Variants in FTO observed in about 807,000 individuals in gnomAD.
FTO encodes the protein FTO alpha-ketoglutarate dependent dioxygenase.
In FTO, 47 loss-of-function variants were observed where a neutral mutation model predicts 63.9. That is an observed-to-expected ratio of 0.74 (90% confidence interval 0.58 to 0.94). The LOEUF is 0.94. Among genes scored for constraint, FTO ranks in the 40% least tolerant of loss-of-function variants. FTO has a pLI of 0.00. For synonymous variants in FTO, 207 were observed against 224.4 expected (o/e 0.92, Z 0.69); for missense variants, 562 against 618.1 (o/e 0.91, Z 0.96).
intron 8 of FTO, among the ~76,000 whole-genome samples, chr16:54,004,428 G>T (rs552325194): frequency 7.0e-4 from 105 of 150,570 alleles, no homozygotes; most frequent in African/African-American, 2.0e-3. Context: ...AAATGTCGTG[G>T]TTTTTTTTTA....
At chr16:53,829,364 C>T (rs1275242813) in intron 3 of FTO, among the ~76,000 whole-genome samples, 3 of 152,200 alleles carry the variant, frequency 2.0e-5, no homozygotes, top group Admixed American at 6.5e-5. Context: ...TTATCTTATT[C>T]GATGAAACAG....
chr16:53,710,449 A>G (rs1280503678), intron 1 of FTO, among the ~76,000 whole-genome samples: 1 of 152,004 alleles, frequency 6.6e-6, no homozygotes, highest in Non-Finnish European at 1.5e-5. Flanking sequence ...TATTTTTAGT[A>G]GAGATGGGTT....
intron 1 of FTO, among the ~76,000 whole-genome samples, chr16:53,778,167 T>C (rs544584180): frequency 6.6e-6 from 1 of 152,142 alleles, no homozygotes; most frequent in African/African-American, 2.4e-5. Context: ...GTAAAGAACA[T>C]AGCAACTAGT....
At chr16:53,828,582 T>C (rs1016048487) in intron 3 of FTO, among the ~76,000 whole-genome samples, 21 of 152,336 alleles carry the variant, frequency 1.4e-4, no homozygotes, top group African/African-American at 5.1e-4. Context: ...TGCTCATTTA[T>C]TGAGCACCTA....
At chr16:54,076,062 G>T (rs2085986009) in intron 8 of FTO, among the ~76,000 whole-genome samples, 1 of 152,124 alleles carries the variant, frequency 6.6e-6, no homozygotes, top group Non-Finnish European at 1.5e-5. Flanking sequence ...AGACAAGCAG[G>T]ACTTAACATC....
intron 7 of FTO, among the ~76,000 whole-genome samples, chr16:53,893,655 A>G (rs574927208): frequency 6.6e-6 from 1 of 151,870 alleles, no homozygotes; most frequent in South Asian, 2.1e-4. Context: ...TTCATTTCCT[A>G]TTGACCTTAA....
At chr16:53,881,744 T>G (rs1395373242) in intron 6 of FTO, among the ~76,000 whole-genome samples, 1 of 152,252 alleles carries the variant, frequency 6.6e-6, no homozygotes, top group Non-Finnish European at 1.5e-5. Flanking sequence ...GTTTAGTTAC[T>G]TAATATTTTA....
rs575655224 is a variant in FTO, at chr16:53,818,721, G to T, written c.124-7143G>T. ...TCTTTTAATGAAACTGAGATCTCTT[G>T]TCTATCTTGTTACTAATTTCTTCTA... On this transcript the variant is annotated intron_variant, in intron 2 of 8. Transcript: ENST00000471389. 1.6e-4 allele frequency among the ~76,000 whole-genome samples: 23 copies of T among 146,130 alleles called. No individual in the cohort carries two copies. The East Asian group carries it at 3.0e-3, about 19-fold the overall frequency.
At chr16:53,800,959 C>T (rs1567305418) in intron 1 of FTO, among the ~76,000 whole-genome samples, 6 of 151,972 alleles carry the variant, frequency 3.9e-5, no homozygotes, top group Admixed American at 2.6e-4. Flanking sequence ...CTTGTCCATC[C>T]TTTTACTTTA....
intron 8 of FTO, among the ~76,000 whole-genome samples, chr16:54,044,254 T>C (rs2085135709): frequency 3.4e-5 from 2 of 59,260 alleles, no homozygotes; most frequent in African/African-American, 1.9e-4. Context: ...AATAAAAGGA[T>C]GGAGGAAGAT....
intron 8 of FTO, among the ~76,000 whole-genome samples, chr16:54,068,640 C>T (rs1206862946): frequency 6.6e-6 from 1 of 152,194 alleles, no homozygotes; most frequent in African/African-American, 2.4e-5. Flanking sequence ...CAGGCACTGC[C>T]AAGATCATGG....
At chr16:53,793,260 C>T (rs981057314) in intron 1 of FTO, among the ~76,000 whole-genome samples, 1 of 152,136 alleles carries the variant, frequency 6.6e-6, no homozygotes, top group Non-Finnish European at 1.5e-5. Context: ...CGCAATCACT[C>T]CCTAATCTTT....
intron 1 of FTO, among the ~76,000 whole-genome samples, chr16:53,704,755 A>G (rs1392723023): frequency 6.6e-6 from 1 of 152,222 alleles, no homozygotes; most frequent in Non-Finnish European, 1.5e-5. Flanking sequence ...TTGCCATTCC[A>G]TGGGATGACC....
rs1468013234 is a variant in FTO at position 54,033,031 on chromosome 16, C to A, written c.1365-78731C>A. Among the ~76,000 whole-genome samples, 6 of 152,158 alleles carry A rather than the reference C, an allele frequency of 3.9e-5. No homozygotes were observed. The East Asian group carries it at 1.2e-3, about 29-fold the overall frequency. ...CAAGCATATTCCAGTATCAAGCCTC[C>A]TGTCCAGCCTGCAGAACCATGAGTC... On this transcript the variant is annotated intron_variant, in intron 8 of 8. Coordinates refer to ENST00000471389, the MANE Select transcript of FTO (RefSeq NM_001080432.3).
intron 4 of FTO, among the ~76,000 whole-genome samples, chr16:53,861,876 A>G (rs1247634930): frequency 2.0e-5 from 3 of 152,128 alleles, no homozygotes; most frequent in African/African-American, 2.4e-5. Flanking sequence ...TTTGCATTAT[A>G]GAAGAGTGAC....
intron 8 of FTO, among the ~76,000 whole-genome samples, chr16:53,959,574 CTT>C (rs2083019338): frequency 1.3e-5 from 2 of 151,974 alleles, no homozygotes; most frequent in Admixed American, 6.6e-5. Flanking sequence ...GTACTGGACA[CTT>C]TTGTAACCAT....
intron 8 of FTO, among the ~76,000 whole-genome samples, chr16:54,077,214 A>G (rs1281023434): frequency 2.6e-5 from 4 of 152,192 alleles, no homozygotes; most frequent in Admixed American, 6.5e-5. Flanking sequence ...GAAAGCCCTC[A>G]CGTGGCCATG....
intron 8 of FTO, among the ~76,000 whole-genome samples, chr16:54,063,041 G>A (rs993535489): frequency 6.6e-6 from 1 of 152,220 alleles, no homozygotes; most frequent in African/African-American, 2.4e-5. Flanking sequence ...GAGGGTGTGT[G>A]TGGTGGTGCA....
chr16:53,873,656 A>G, intron 4 of FTO, 130 bp from the exon 5 acceptor site: 2 of 701,926 alleles, frequency 2.8e-6, no homozygotes, highest in East Asian at 3.0e-5. Context: ...CAAGGTAAGT[A>G]TTGATTCCTT....
Sources: allele counts gnomAD v4.1 joint callset (sites outside exome capture counted in the v4.1 genomes callset), GRCh38; gene constraint gnomAD v4.1.1; transcripts MANE v1.5; gene names NCBI Gene and HGNC (gene_info 2026-07-23, HGNC 2026-07-21).